LAMA4: variants seen among roughly 807,000 people sequenced by gnomAD.
LAMA4 encodes laminin subunit alpha 4.
Under a neutral mutation model 207.1 loss-of-function variants are expected in LAMA4, and 127 were observed. That is an observed-to-expected ratio of 0.61 (90% confidence interval 0.53 to 0.71). The LOEUF is 0.71. LAMA4 is among the 30% of genes least tolerant of loss of function. The probability of loss-of-function intolerance (pLI) is 0.00; values close to 1 mark genes in which losing one functional copy is unlikely to be tolerated. For missense variants in LAMA4, 2,093 were observed against 2,246.5 expected, an observed-to-expected ratio of 0.93 and a Z score of 1.38; for synonymous variants, 761 against 816.0, an observed-to-expected ratio of 0.93 and a Z score of 1.15.
chr6:112,185,194 T>G (rs782460881), intron 9 of LAMA4, 43 bp downstream of exon 9: 2 of 1,322,528 alleles, frequency 1.5e-6, no homozygotes, highest in East Asian at 4.6e-5. Context: ...GCTAAATCCT[T>G]TCTTTGAAGG....
At chr6:112,181,472 A>G (rs756392118) in intron 9 of LAMA4, among the ~76,000 whole-genome samples, 28 of 152,100 alleles carry the variant, frequency 1.8e-4, no homozygotes, top group Admixed American at 1.5e-3. Flanking sequence ...TGAATCTTCC[A>G]CAAGGCCACA....
intron 2 of LAMA4, among the ~76,000 whole-genome samples, chr6:112,241,106 T>TATATATGAATATATATATGA (rs1477956342): frequency 0.046 from 4,772 of 103,414 alleles, 1,032 homozygotes; most frequent in Non-Finnish European, 0.072. Flanking sequence ...TGAATATATA[T>TATATATGAATATATATATGA]ATATATATGA....
chr6:112,236,171 G>C (rs1235436552), intron 2 of LAMA4: 1 of 152,142 alleles, frequency 6.6e-6, no homozygotes, highest in Non-Finnish European at 1.5e-5. Flanking sequence ...TGGGAACTTG[G>C]GGAAGTGACT....
Position 112,117,644 on chromosome 6 carries a change from A to G in LAMA4, c.4981+95T>C, listed in dbSNP as rs1208166197. 1.6e-5 allele frequency: 20 copies of G among 1,273,092 alleles called. No individual in the cohort carries two copies. Among genetic ancestry groups the G allele is most frequent in the Non-Finnish European group, 2.2e-5 (19 of 876,426 alleles). 78.9% of individuals were successfully genotyped at this position (1,273,092 alleles called of 1,614,324 possible). A position where few individuals can be genotyped will look rare whatever the true frequency, so the allele number is the denominator to read the frequency against. ...GTCATCTTCTAGGGCTGAGTTTGGC[A>G]TTCTTAAGTTTTAACTCTGGGCCTG... On this transcript the variant is annotated intron_variant, in intron 35 of 38. Transcript: ENST00000230538. The surrounding 1 kb of genome is among the most constrained non-coding windows in gnomAD (Gnocchi z 4.5).
At chr6:112,239,656 G>C (rs1047376787) in intron 2 of LAMA4, among the ~76,000 whole-genome samples, 5 of 152,134 alleles carry the variant, frequency 3.3e-5, no homozygotes, top group Admixed American at 6.5e-5. Flanking sequence ...ACCTTGAATG[G>C]TACCTTTCAG....
intron 9 of LAMA4, among the ~76,000 whole-genome samples, chr6:112,181,462 T>G (rs1009970263): frequency 6.6e-6 from 1 of 152,158 alleles, no homozygotes; most frequent in African/African-American, 2.4e-5. Flanking sequence ...TGCCTTACAA[T>G]GAATCTTCCA....
Position 112,118,717 on chromosome 6 carries a change from G to GTA in LAMA4, c.4821+438_4821+439insTA, listed in dbSNP as rs587749094. Among the ~76,000 whole-genome samples the GTA allele has an allele frequency of 1.9e-3, 195 of 100,450 alleles. No homozygotes were observed. The highest frequency in any genetic ancestry group is 7.4e-3 in the African/African-American group (187 of 25,182). 65.9% of individuals were successfully genotyped at this position (100,450 alleles called of 152,430 possible). On this transcript the variant is annotated intron_variant, in intron 34 of 38. Coordinates refer to ENST00000230538, the MANE Select transcript of LAMA4 (RefSeq NM_001105206.3). This position sits in a 1 kb window ranked among gnomAD's most constrained non-coding sequence, Gnocchi z 4.6. ...ACATTTACAAATTGTGTGTGTGTGT[G>GTA]TGTATGTGTGTGTGTGTGTGTGTGT...
intron 3 of LAMA4, among the ~76,000 whole-genome samples, chr6:112,208,772 T>C (rs1784209505): frequency 1.3e-5 from 2 of 152,238 alleles, no homozygotes; most frequent in South Asian, 4.1e-4. Context: ...CCCGGTTGAA[T>C]GTTCTTCAGG....
rs144482486 is a variant in LAMA4 at position 112,109,459 on chromosome 6, A to G, written c.5450T>C (p.Ile1817Thr). The G allele has an allele frequency of 3.7e-4, 596 of 1,613,974 alleles. 4 individuals are homozygous for G. In the African/African-American group the frequency reaches 7.2e-3, roughly 20 times the overall value. ...ATGTCAGGCTGCTGGACAGGAGTTG[A>G]TGCTTACGGCGCCGCTGACCAGGGC... Reference protein sequence around the residue: ...KAALVSGAVSINSCPAA With the variant: ...KAALVSGAVSTNSCPAA Residue 1817 changes from isoleucine (I) to threonine (T), a missense_variant, in exon 39 of 39, where the codon ATC (isoleucine) becomes ACC (threonine). Around this residue, in one of 3 missense-constraint regions of LAMA4, gnomAD observed 383 missense variants for 437.8 expected, o/e 0.87. Coordinates refer to ENST00000230538, the MANE Select transcript of LAMA4 (RefSeq NM_001105206.3).
At chr6:112,122,693 T>C (rs782325296) in intron 31 of LAMA4, among the ~76,000 whole-genome samples, 83 of 152,334 alleles carry the variant, frequency 5.4e-4, no homozygotes, top group South Asian at 1.0e-3. Context: ...ATAGGATATG[T>C]AGCAGAATTT....
chr6:112,208,738 A>C (rs1016379106), intron 3 of LAMA4, among the ~76,000 whole-genome samples: 1 of 152,202 alleles, frequency 6.6e-6, no homozygotes, highest in Non-Finnish European at 1.5e-5. Context: ...AAGGGGAAGA[A>C]TCTTAATAAG....
At chr6:112,203,375 C>T in intron 4 of LAMA4, among the ~76,000 whole-genome samples, 1 of 152,164 alleles carries the variant, frequency 6.6e-6, no homozygotes, top group East Asian at 1.9e-4. Flanking sequence ...GGCTCAGCTT[C>T]ATCAATGTTT....
chr6:112,201,824 T>A, intron 4 of LAMA4, 136 bp from the exon 5 acceptor site: 1 of 799,568 alleles, frequency 1.3e-6, no homozygotes, highest in South Asian at 1.4e-5. Flanking sequence ...TTTAAACTTG[T>A]ACACATTTAC....
At chr6:112,198,889 T>A (rs541909681) in intron 5 of LAMA4, among the ~76,000 whole-genome samples, 26 of 152,320 alleles carry the variant, frequency 1.7e-4, no homozygotes, top group African/African-American at 5.3e-4. Context: ...AACAGTTTTA[T>A]GAGACAGGTA....
intron 2 of LAMA4, among the ~76,000 whole-genome samples, chr6:112,224,811 C>T (rs1301258473): frequency 9.6e-6 from 1 of 103,936 alleles, no homozygotes; most frequent in East Asian, 3.3e-4. Flanking sequence ...GCAAGACTGT[C>T]TCAAAAAAAA....
intron 5 of LAMA4, among the ~76,000 whole-genome samples, chr6:112,194,191 A>C (rs1783280686): frequency 6.6e-6 from 1 of 152,224 alleles, no homozygotes; most frequent in African/African-American, 2.4e-5. Flanking sequence ...GAAGTTCACC[A>C]AACAGAGAAT....
chr6:112,253,574 A>G (rs1477475560), intron 2 of LAMA4: 10 of 643,466 alleles, frequency 1.6e-5, no homozygotes, highest in South Asian at 6.9e-5. Context: ...AGCACAGAGG[A>G]GCAGGAAGCC....
At chr6:112,150,230 C>G (rs376112722) in intron 17 of LAMA4, among the ~76,000 whole-genome samples, 2 of 137,626 alleles carry the variant, frequency 1.5e-5, no homozygotes, top group African/African-American at 5.7e-5. Flanking sequence ...CACACACACA[C>G]ACACAGACAC....
intron 4 of LAMA4, among the ~76,000 whole-genome samples, chr6:112,202,164 G>A (rs188492204): frequency 1.3e-5 from 2 of 152,242 alleles, no homozygotes; most frequent in African/African-American, 2.4e-5. Context: ...TTGGAAATAA[G>A]GTTGCTGAGA....
Sources: allele counts gnomAD v4.1 joint callset (sites outside exome capture counted in the v4.1 genomes callset), GRCh38; gene constraint gnomAD v4.1.1; regional missense constraint gnomAD v4.1.1; non-coding constraint Gnocchi (gnomAD v3.1); transcripts MANE v1.5; gene names NCBI Gene and HGNC (gene_info 2026-07-23, HGNC 2026-07-21).